ELAVL4: variants seen among roughly 807,000 people sequenced by gnomAD.
ELAVL4 encodes the protein ELAV-like protein 4.
A neutral mutation model predicts 35.6 loss-of-function variants in ELAVL4; 1 was observed. The ratio of observed to expected loss-of-function variants is 0.03; its 90% CI spans 0.01 to 0.13. The LOEUF (loss-of-function observed/expected upper bound fraction) is 0.13. ELAVL4 is among the 10% of genes least tolerant of loss of function. ELAVL4 has a pLI of 1.00. For missense variants in ELAVL4, 267 were observed against 464.9 expected, an observed-to-expected ratio of 0.57 and a Z score of 3.91; for synonymous variants, 156 against 171.0, an observed-to-expected ratio of 0.91 and a Z score of 0.69.
At chr1:50,087,137 C>G (rs529360443) in intron 1 of ELAVL4, among the ~76,000 whole-genome samples, 1 of 152,278 alleles carries the variant, frequency 6.6e-6, no homozygotes, top group Non-Finnish European at 1.5e-5. Context: ...GTGAAAACCC[C>G]CTTGGAGCAG....
chr1:50,150,526 A>G (rs1674594248), intron 2 of ELAVL4, among the ~76,000 whole-genome samples: 1 of 152,194 alleles, frequency 6.6e-6, no homozygotes, highest in African/African-American at 2.4e-5. Flanking sequence ...AGTAGGTGAG[A>G]TGTGGGAAAT....
At chr1:50,141,280 T>C (rs1158246419) in intron 1 of ELAVL4, among the ~76,000 whole-genome samples, 3 of 152,180 alleles carry the variant, frequency 2.0e-5, no homozygotes, top group Non-Finnish European at 4.4e-5. Context: ...TAGGTGTTTG[T>C]TGGGGAGCTG....
intron 6 of ELAVL4, among the ~76,000 whole-genome samples, chr1:50,197,946 C>T (rs1172857270): frequency 6.6e-6 from 1 of 152,200 alleles, no homozygotes; most frequent in East Asian, 1.9e-4. Context: ...TTTTGGACTA[C>T]CAGCTCTGGC....
intron 3 of ELAVL4, among the ~76,000 whole-genome samples, chr1:50,188,465 C>T (rs1682168549): frequency 6.6e-6 from 1 of 152,184 alleles, no homozygotes; most frequent in African/African-American, 2.4e-5. Flanking sequence ...TTGCTGTTTT[C>T]CACATCCAAG....
At chr1:50,106,312 T>C (rs1666300606), upstream of ELAVL4, 6 of 1,613,306 alleles carry the variant, frequency 3.7e-6, no homozygotes, top group Non-Finnish European at 5.1e-6. Context: ...GATGTGTGCA[T>C]GGTGGCAAGG....
intron 1 of ELAVL4, among the ~76,000 whole-genome samples, chr1:50,070,387 C>G (rs976731134): frequency 6.6e-6 from 1 of 152,188 alleles, no homozygotes; most frequent in Non-Finnish European, 1.5e-5. Context: ...CCTGCCTCAT[C>G]ATTTTCATTT....
chr1:50,107,157 A>G, upstream of ELAVL4, among the ~76,000 whole-genome samples: 1 of 152,202 alleles, frequency 6.6e-6, no homozygotes, highest in East Asian at 1.9e-4. Flanking sequence ...ACCATTTAGA[A>G]CACTTTAACC....
At chr1:50,174,913 C>A (rs557684607) in intron 2 of ELAVL4, among the ~76,000 whole-genome samples, 1 of 152,232 alleles carries the variant, frequency 6.6e-6, no homozygotes, top group Admixed American at 6.5e-5. Context: ...TCAAGTACTA[C>A]TCCAATGTGA....
intron 6 of ELAVL4, among the ~76,000 whole-genome samples, chr1:50,199,595 C>G (rs1644277594): frequency 6.6e-6 from 1 of 152,006 alleles, no homozygotes; most frequent in African/African-American, 2.4e-5. Flanking sequence ...GTAGTCTCAG[C>G]TACTCAGGAG....
At chr1:50,119,668 C>G (rs1231069428) in intron 1 of ELAVL4, among the ~76,000 whole-genome samples, 4 of 151,932 alleles carry the variant, frequency 2.6e-5, no homozygotes, top group Admixed American at 2.6e-4. Context: ...TTGGTATAAT[C>G]TTAACAGTAT....
chr1:50,094,638 G>A (rs1665637326), intron 1 of ELAVL4, among the ~76,000 whole-genome samples: 2 of 152,046 alleles, frequency 1.3e-5, no homozygotes, highest in Admixed American at 6.6e-5. Flanking sequence ...GGGTGTGATG[G>A]CTCATGCCTG....
At chr1:50,141,918 T>C (rs1377799331) in intron 1 of ELAVL4, 1 of 152,238 alleles carries the variant, frequency 6.6e-6, no homozygotes, top group East Asian at 1.9e-4. Flanking sequence ...TGGCTCCTCT[T>C]GAGCCATGTT....
intron 1 of ELAVL4, among the ~76,000 whole-genome samples, chr1:50,132,537 C>A (rs998862080): frequency 6.6e-6 from 1 of 152,094 alleles, no homozygotes; most frequent in Non-Finnish European, 1.5e-5. Context: ...TGCTGCCGGG[C>A]GATAGGCAGA....
upstream of ELAVL4, chr1:50,106,144 C>T (rs968292518): frequency 8.7e-6 from 4 of 458,632 alleles, no homozygotes; most frequent in African/African-American, 2.0e-5. Flanking sequence ...CAGTTTCAGC[C>T]GGCTGCTGTT....
intron 2 of ELAVL4, among the ~76,000 whole-genome samples, chr1:50,165,512 CA>C (rs1557815811): frequency 6.7e-6 from 1 of 149,228 alleles, no homozygotes; most frequent in Non-Finnish European, 1.5e-5. Context: ...ATATACTATG[CA>C]TATATACGTA....
intron 3 of ELAVL4, among the ~76,000 whole-genome samples, chr1:50,182,695 C>T (rs1681232325): frequency 6.6e-6 from 1 of 152,140 alleles, no homozygotes; most frequent in African/African-American, 2.4e-5. Flanking sequence ...AGGTTTTTGT[C>T]AGCCTTAGAC....
intron 1 of ELAVL4, among the ~76,000 whole-genome samples, chr1:50,073,662 G>A (rs1351731530): frequency 8.6e-5 from 13 of 151,766 alleles, no homozygotes; most frequent in Admixed American, 5.9e-4. Flanking sequence ...AAACACACAC[G>A]TACACACACA....
At chr1:50,102,195 G>A (rs917444010), upstream of ELAVL4, among the ~76,000 whole-genome samples, 1 of 152,082 alleles carries the variant, frequency 6.6e-6, no homozygotes, top group African/African-American at 2.4e-5. Context: ...GCTGAGGCAG[G>A]AGAATGGCTG....
At chr1:50,144,620 C>T in intron 1 of ELAVL4, 1 of 491,482 alleles carries the variant, frequency 2.0e-6, no homozygotes, top group South Asian at 1.6e-5. Context: ...TATTACTTTA[C>T]ATTTTAATTA....
Sources: allele counts gnomAD v4.1 joint callset (sites outside exome capture counted in the v4.1 genomes callset), GRCh38; gene constraint gnomAD v4.1.1; transcripts MANE v1.5; gene names NCBI Gene and HGNC (gene_info 2026-07-23, HGNC 2026-07-21).